Variants in CDH11 observed in about 807,000 individuals in gnomAD.
The protein encoded by CDH11 is cadherin 11.
In CDH11, 11 loss-of-function variants were observed where a neutral mutation model predicts 67.8. The ratio of observed to expected loss-of-function variants is 0.16; its 90% CI spans 0.10 to 0.27. The LOEUF (loss-of-function observed/expected upper bound fraction) is 0.27, where lower values mean the gene tolerates loss of function less well. Among genes scored for constraint, CDH11 ranks in the 10% least tolerant of loss-of-function variants. The pLI is 1.00. For synonymous variants in CDH11, 419 were observed against 400.0 expected (o/e 1.05, Z -0.57); for missense variants, 847 against 1,031.2 (o/e 0.82, Z 2.45).
intron 1 of CDH11, among the ~76,000 whole-genome samples, chr16:65,105,953 T>G (rs143697985): frequency 1.6e-4 from 25 of 152,380 alleles, no homozygotes; most frequent in African/African-American, 6.0e-4. Flanking sequence ...TTACATGCTT[T>G]GTTTTCACAA....
At chr16:65,039,159 C>T (rs1260983291) in intron 2 of CDH11, among the ~76,000 whole-genome samples, 3 of 152,192 alleles carry the variant, frequency 2.0e-5, no homozygotes, top group Non-Finnish European at 2.9e-5. Context: ...TGCCTCCTTC[C>T]TTGCCATATG....
intron 2 of CDH11, among the ~76,000 whole-genome samples, chr16:65,007,346 A>G (rs2073080784): frequency 6.6e-6 from 1 of 152,142 alleles, no homozygotes; most frequent in Non-Finnish European, 1.5e-5. Flanking sequence ...TGAAACTCTT[A>G]ATATTGGTTG....
intron 2 of CDH11, among the ~76,000 whole-genome samples, chr16:65,053,071 TTGGATAAGA>T (rs1451423238): frequency 2.6e-5 from 4 of 152,168 alleles, no homozygotes; most frequent in Non-Finnish European, 4.4e-5. Context: ...CCGTAGGCAC[TTGGATAAGA>T]AGGTCTAGAT....
chr16:65,058,581 A>G (rs2142732883), intron 1 of CDH11, among the ~76,000 whole-genome samples: 1 of 152,288 alleles, frequency 6.6e-6, no homozygotes. Flanking sequence ...TCAGTTAATA[A>G]TCTCCATTGG....
intron 1 of CDH11, among the ~76,000 whole-genome samples, chr16:65,096,403 C>CAG (rs1555528172): frequency 1.5e-5 from 2 of 133,918 alleles, no homozygotes; most frequent in African/African-American, 5.6e-5. Flanking sequence ...ATAAATCTTT[C>CAG]GGGGTGTGTG....
At chr16:65,122,273 C>A (rs2075348653), upstream of CDH11, 2 of 396,790 alleles carry the variant, frequency 5.0e-6, no homozygotes, top group Non-Finnish European at 9.1e-6. Context: ...CCCCTCCCCC[C>A]AGGGGCCCAG....
Position 65,004,675 on chromosome 16 carries a change from C to A in CDH11, c.195G>T (p.Glu65Asp). The A allele has an allele frequency of 6.2e-7, 1 of 1,613,700 alleles. No homozygotes were observed. Among genetic ancestry groups the A allele is most frequent in the Non-Finnish European group, 8.5e-7 (1 of 1,179,964 alleles). The stretch of plus-strand genomic sequence containing the variant: ...CAAGCACGGGGTCAGGCCCGGTGTA[C>A]TCCTCTATCACGAAGAACTGGTTCC... ...WVWNQFFVIE[E>D]YTGPDPVLVG... Residue 65 changes from glutamate to aspartate, a missense_variant, in exon 3 of 13, where the codon GAG becomes GAT. Glu to Asp is a conservative substitution (Grantham distance 45). Transcript: ENST00000268603.
intron 2 of CDH11, among the ~76,000 whole-genome samples, chr16:65,034,316 G>T (rs2073707764): frequency 6.6e-6 from 1 of 152,162 alleles, no homozygotes; most frequent in Admixed American, 6.5e-5. Flanking sequence ...CTCCAGAATT[G>T]TAAGACAATA....
chr16:65,054,915 C>T (rs2074118336), intron 1 of CDH11, among the ~76,000 whole-genome samples: 1 of 152,134 alleles, frequency 6.6e-6, no homozygotes, highest in Admixed American at 6.5e-5. Flanking sequence ...AAGCCTTCTC[C>T]AAAACAACAA....
intron 4 of CDH11, among the ~76,000 whole-genome samples, chr16:64,995,117 G>T (rs2072730961): frequency 6.6e-6 from 1 of 152,040 alleles, no homozygotes; most frequent in Non-Finnish European, 1.5e-5. Context: ...CAACCCATGA[G>T]CATAGAATGT....
intron 2 of CDH11, among the ~76,000 whole-genome samples, chr16:65,022,244 TAA>T (rs71143550): frequency 9.3e-5 from 14 of 150,498 alleles, no homozygotes; most frequent in African/African-American, 2.7e-4. Flanking sequence ...AAAACCAATT[TAA>T]AAAAAAAAAA....
rs887889678 is a variant in CDH11 at position 65,027,898 on chromosome 16, A to G, written c.-172-22857T>C. Among the ~76,000 whole-genome samples, 5 of 152,184 alleles carry G rather than the reference A, an allele frequency of 3.3e-5. 1 individual carries two copies. Among genetic ancestry groups the G allele is most frequent in the South Asian group, 4.1e-4 (2 of 4,824 alleles). ...CAGCACCCACAGGGAAGGGACTTGC[A>G]TTTGAAGGATAGTTGTTTTAACAAA... On this transcript the variant is annotated intron_variant, in intron 2 of 12. Coordinates refer to ENST00000268603, the MANE Select transcript of CDH11 (RefSeq NM_001797.4).
chr16:64,969,253 T>C (rs2071934564), intron 11 of CDH11, among the ~76,000 whole-genome samples: 1 of 152,152 alleles, frequency 6.6e-6, no homozygotes, highest in Admixed American at 6.6e-5. Flanking sequence ...CTAAATATGA[T>C]TGCACATATA....
chr16:64,984,914 AC>A (rs2072447345), intron 7 of CDH11: 1 of 152,242 alleles, frequency 6.6e-6, no homozygotes, highest in African/African-American at 2.4e-5. Flanking sequence ...GAAAAATCAA[AC>A]ATAAAAAGAG....
At position 64,973,601 on chromosome 16, in the gene CDH11, T is replaced by C. The variant is rs144294725; in HGVS notation, c.1254-561A>G. Among the ~76,000 whole-genome samples, 340 of 152,128 alleles carry C rather than the reference T, an allele frequency of 2.2e-3. 3 individuals are homozygous for C. Among genetic ancestry groups the C allele is most frequent in the African/African-American group, 7.5e-3 (313 of 41,486 alleles). On this transcript the variant is annotated intron_variant, in intron 8 of 12. Transcript: ENST00000268603. ...CGGATGGATCATTTGAGGCCAGGAG[T>C]TCAGGACCAGCCTGACCAACATGGT...
At chr16:65,008,062 C>T (rs1039613370) in intron 2 of CDH11, among the ~76,000 whole-genome samples, 7 of 152,160 alleles carry the variant, frequency 4.6e-5, no homozygotes, top group African/African-American at 1.7e-4. Context: ...GCATATAAGC[C>T]ATGAAGTGTA....
chr16:65,096,703 T>G (rs2074903208), intron 1 of CDH11, among the ~76,000 whole-genome samples: 1 of 148,608 alleles, frequency 6.7e-6, no homozygotes, highest in African/African-American at 2.5e-5. Flanking sequence ...TATGTATATA[T>G]TTGGGGTGTG....
chr16:65,086,721 T>G (rs1279332589), intron 1 of CDH11, among the ~76,000 whole-genome samples: 1 of 152,182 alleles, frequency 6.6e-6, no homozygotes, highest in Non-Finnish European at 1.5e-5. Context: ...CTCTAGAAAC[T>G]TCCTTTGAAA....
At chr16:65,015,507 G>A (rs2073285709) in intron 2 of CDH11, among the ~76,000 whole-genome samples, 1 of 151,820 alleles carries the variant, frequency 6.6e-6, no homozygotes, top group Admixed American at 6.6e-5. Flanking sequence ...AGAGAGGGCA[G>A]GGGAAGCATC....
Sources: gnomAD v4.1 joint callset for allele counts (sites outside exome capture counted in the v4.1 genomes callset) on GRCh38, gnomAD v4.1.1 for gene constraint, MANE v1.5 for transcripts, NCBI Gene and HGNC (gene_info 2026-07-23, HGNC 2026-07-21) for gene names.